The following MAPK10 variants were observed in gnomAD, a reference collection of about 807,000 sequenced individuals.
MAPK10 encodes the protein JNK3 alpha protein kinase.
In MAPK10, 25 loss-of-function variants were observed where a neutral mutation model predicts 59.3. The observed-to-expected ratio is 0.42, with a 90% confidence interval of 0.31 to 0.59. The LOEUF is 0.59. Ranked by LOEUF, MAPK10 falls within the 20% of genes least tolerant of loss-of-function variation. MAPK10 has a pLI of 0.15. For missense variants in MAPK10, 351 were observed against 568.9 expected, an observed-to-expected ratio of 0.62 and a Z score of 3.90; for synonymous variants, 190 against 200.5, an observed-to-expected ratio of 0.95 and a Z score of 0.44.
intron 2 of MAPK10, among the ~76,000 whole-genome samples, chr4:86,215,253 A>G (rs1381629978): frequency 1.3e-5 from 2 of 152,232 alleles, no homozygotes; most frequent in Non-Finnish European, 2.9e-5. Flanking sequence ...CAAATGCAAA[A>G]GTTAACCAAT....
intron 2 of MAPK10, among the ~76,000 whole-genome samples, chr4:86,315,121 A>G (rs948883460): frequency 6.6e-6 from 1 of 152,140 alleles, no homozygotes; most frequent in Non-Finnish European, 1.5e-5. Context: ...GGAGGTCATT[A>G]TGTTATGTGA....
At chr4:86,548,222 C>G (rs111802170) in intron 1 of MAPK10, among the ~76,000 whole-genome samples, 5,035 of 152,134 alleles carry the variant, frequency 0.033, 153 homozygotes, top group Non-Finnish European at 0.051. Flanking sequence ...TCCAGACGCG[C>G]TGCCTTAAGA....
intron 1 of MAPK10, among the ~76,000 whole-genome samples, chr4:86,570,467 A>G (rs538146750): frequency 6.6e-6 from 1 of 152,206 alleles, no homozygotes; most frequent in African/African-American, 2.4e-5. Context: ...ACTCAATATT[A>G]TAATTTTACT....
At chr4:86,020,131 C>T (rs1258573555) in intron 13 of MAPK10, 1 of 152,196 alleles carries the variant, frequency 6.6e-6, no homozygotes, top group Non-Finnish European at 1.5e-5. Context: ...CTTTTTGCCT[C>T]TATAAAATTG....
At chr4:86,529,570 G>A (rs1158914736) in intron 1 of MAPK10, among the ~76,000 whole-genome samples, 1 of 152,124 alleles carries the variant, frequency 6.6e-6, no homozygotes, top group Admixed American at 6.6e-5. Flanking sequence ...CAAGTTATTT[G>A]CTTCTTTTCA....
intron 1 of MAPK10, among the ~76,000 whole-genome samples, chr4:86,548,844 T>C (rs893890862): frequency 2.6e-5 from 4 of 152,226 alleles, no homozygotes; most frequent in Admixed American, 6.5e-5. Flanking sequence ...ACATCTCGTA[T>C]AGCTCTGTGA....
At chr4:86,062,991 A>G (rs2046010910) in intron 11 of MAPK10, among the ~76,000 whole-genome samples, 1 of 152,212 alleles carries the variant, frequency 6.6e-6, no homozygotes, top group African/African-American at 2.4e-5. Flanking sequence ...AACTTGAGGC[A>G]ACATGAAATC....
At chr4:86,552,720 G>C (rs941349986) in intron 1 of MAPK10, among the ~76,000 whole-genome samples, 18 of 152,268 alleles carry the variant, frequency 1.2e-4, no homozygotes, top group African/African-American at 4.3e-4. Context: ...TGGAAAAAGA[G>C]AGTGTCTCTT....
intron 11 of MAPK10, among the ~76,000 whole-genome samples, chr4:86,057,914 G>A (rs1417855052): frequency 6.7e-6 from 1 of 149,656 alleles, no homozygotes; most frequent in African/African-American, 2.5e-5. Flanking sequence ...GAAAACAGAT[G>A]GCTGAATCCT....
chr4:86,218,326 G>A (rs151133910), intron 2 of MAPK10, among the ~76,000 whole-genome samples: 29 of 152,040 alleles, frequency 1.9e-4, no homozygotes, highest in African/African-American at 6.7e-4. Flanking sequence ...GACTACAGGC[G>A]CCCGCCACCA....
chr4:86,089,740 C>T (rs1411083290), intron 9 of MAPK10, among the ~76,000 whole-genome samples: 2 of 152,048 alleles, frequency 1.3e-5, no homozygotes, highest in Non-Finnish European at 2.9e-5. Context: ...TTATAAAACA[C>T]ATTTACCCTT....
At chr4:86,100,798 A>T in intron 8 of MAPK10, 1 of 359,842 alleles carries the variant, frequency 2.8e-6, no homozygotes, top group East Asian at 4.8e-5. Context: ...TGACTGTTTA[A>T]TCAGACTCCA....
intron 2 of MAPK10, among the ~76,000 whole-genome samples, chr4:86,212,571 C>G (rs1468562821): frequency 1.3e-5 from 2 of 152,038 alleles, no homozygotes; most frequent in African/African-American, 4.8e-5. Context: ...ATAAAGAGAA[C>G]AGGGATGGTT....
chr4:86,469,380 T>C (rs1196927042), intron 1 of MAPK10, among the ~76,000 whole-genome samples: 9 of 152,132 alleles, frequency 5.9e-5, no homozygotes, highest in Non-Finnish European at 1.5e-5. Context: ...AAGTCTGGAG[T>C]TCCTCCCCAG....
intron 3 of MAPK10, among the ~76,000 whole-genome samples, chr4:86,178,363 C>G (rs540253430): frequency 6.6e-6 from 1 of 151,938 alleles, no homozygotes; most frequent in South Asian, 2.1e-4. Context: ...TATTGCTTAT[C>G]TCTGAGGTCT....
intron 1 of MAPK10, among the ~76,000 whole-genome samples, chr4:86,438,930 T>A (rs914582963): frequency 6.6e-6 from 1 of 152,094 alleles, no homozygotes; most frequent in African/African-American, 2.4e-5. Flanking sequence ...TCCCAACTAG[T>A]CACTAGCAAA....
chr4:86,145,190 T>A (rs1364515945), intron 4 of MAPK10, among the ~76,000 whole-genome samples: 1 of 152,068 alleles, frequency 6.6e-6, no homozygotes, highest in Non-Finnish European at 1.5e-5. Flanking sequence ...AAAAGATTTC[T>A]TGGTCCATTC....
At chr4:86,127,306 G>A (rs2060232202) in intron 4 of MAPK10, among the ~76,000 whole-genome samples, 1 of 151,514 alleles carries the variant, frequency 6.6e-6, no homozygotes, top group Admixed American at 6.6e-5. Flanking sequence ...ATAGTACAGT[G>A]TCTGGCATAT....
At chr4:86,333,710 T>C (rs1180056073) in intron 2 of MAPK10, among the ~76,000 whole-genome samples, 2 of 152,152 alleles carry the variant, frequency 1.3e-5, no homozygotes, top group Non-Finnish European at 2.9e-5. Flanking sequence ...AGCTCTACCA[T>C]ATACTGGTTG....
Sources: allele counts gnomAD v4.1 joint callset (sites outside exome capture counted in the v4.1 genomes callset), GRCh38; gene constraint gnomAD v4.1.1; transcripts MANE v1.5; gene names NCBI Gene and HGNC (gene_info 2026-07-23, HGNC 2026-07-21).